The following DAPK1 variants were observed in gnomAD, a reference collection of about 807,000 sequenced individuals.
DAPK1 encodes the protein death-associated protein kinase 1.
DAPK1 carries 56 observed loss-of-function variants against 144.9 expected under a neutral mutation model. The ratio of observed to expected loss-of-function variants is 0.39; its 90% CI spans 0.31 to 0.48. The LOEUF is 0.48. Among genes scored for constraint, DAPK1 ranks in the 20% least tolerant of loss-of-function variants. The pLI is 0.95. For synonymous variants in DAPK1, 690 were observed against 749.0 expected, an observed-to-expected ratio of 0.92 and a Z score of 1.29; for missense variants, 1,454 against 1,875.4, an observed-to-expected ratio of 0.78 and a Z score of 4.15.
At chr9:87,505,655 G>A (rs1390962714) in intron 2 of DAPK1, among the ~76,000 whole-genome samples, 4 of 151,194 alleles carry the variant, frequency 2.6e-5, no homozygotes, top group Non-Finnish European at 4.4e-5. Flanking sequence ...TCGGCCTCCC[G>A]AAGTGCTGGG....
chr9:87,643,631 T>C (rs1830172367), intron 11 of DAPK1, among the ~76,000 whole-genome samples, 163 bp downstream of exon 11: 1 of 152,052 alleles, frequency 6.6e-6, no homozygotes, highest in Non-Finnish European at 1.5e-5. Context: ...TGATGCACCC[T>C]CTTGCTTCTT....
rs369681213 is a variant in DAPK1 at position 87,650,234 on chromosome 9, A to G, written c.1626+116A>G. 24 of 942,000 alleles carry G rather than the reference A, an allele frequency of 2.5e-5. 1 individual carries two copies. In the African/African-American group the frequency reaches 3.4e-4, roughly 13 times the overall value. 58.4% of individuals were successfully genotyped at this position (942,000 alleles called of 1,614,324 possible). A position where few individuals can be genotyped will look rare whatever the true frequency, so the allele number is the denominator to read the frequency against. On this transcript the variant is annotated intron_variant, in intron 16 of 25. Transcript: ENST00000408954. ...ACAAACTTGAATGCAGCAAACTGTA[A>G]TTACCCCGTCTCTTCTCTGTTCCAA...
At chr9:87,518,035 G>T (rs1283320960) in intron 2 of DAPK1, among the ~76,000 whole-genome samples, 5 of 151,778 alleles carry the variant, frequency 3.3e-5, no homozygotes, top group African/African-American at 9.7e-5. Context: ...AAAGCAGCAC[G>T]CATCTGTCGC....
At chr9:87,554,902 G>T (rs1464344257) in intron 2 of DAPK1, among the ~76,000 whole-genome samples, 1 of 152,186 alleles carries the variant, frequency 6.6e-6, no homozygotes, top group Non-Finnish European at 1.5e-5. Flanking sequence ...CCTTCTGGTG[G>T]CAAGTTCTCT....
At chr9:87,673,196 C>G (rs1246600376) in intron 19 of DAPK1, among the ~76,000 whole-genome samples, 1 of 152,128 alleles carries the variant, frequency 6.6e-6, no homozygotes, top group African/African-American at 2.4e-5. Context: ...CACACATTTT[C>G]TCTCAACCCC....
At chr9:87,521,132 T>C (rs1233606822) in intron 2 of DAPK1, among the ~76,000 whole-genome samples, 1 of 152,270 alleles carries the variant, frequency 6.6e-6, no homozygotes, top group Non-Finnish European at 1.5e-5. Flanking sequence ...TCAGCACTGC[T>C]GATTGCAATA....
intron 21 of DAPK1, among the ~76,000 whole-genome samples, chr9:87,690,641 G>A (rs1825022103): frequency 6.6e-6 from 1 of 152,068 alleles, no homozygotes; most frequent in African/African-American, 2.4e-5. Context: ...TATGATGTCA[G>A]CTATGGGTTC....
chr9:87,632,152 G>T, intron 3 of DAPK1: 1 of 777,288 alleles, frequency 1.3e-6, no homozygotes, highest in Non-Finnish European at 1.6e-6. Context: ...AGATGGGTAT[G>T]TATGTATGTA....
At position 87,498,030 on chromosome 9, in the gene DAPK1, G is replaced by T. The variant is rs1288005598; in HGVS notation, c.-186G>T. ...TAGCTGTGTTCCCGCCGCCGCCCCG[G>T]CTAGTCTCCGGCGCTGGCGCCTATG... On this transcript the variant is annotated 5_prime_UTR_variant, in exon 1 of 26. Coordinates refer to ENST00000408954, the MANE Select transcript of DAPK1 (RefSeq NM_004938.4). The T allele has an allele frequency of 1.5e-5, 6 of 397,782 alleles. No individual in the cohort carries two copies. The highest frequency in any genetic ancestry group is 2.7e-5 in the Non-Finnish European group (6 of 225,696). 24.6% of individuals were successfully genotyped at this position (397,782 alleles called of 1,614,324 possible).
intron 17 of DAPK1, among the ~76,000 whole-genome samples, chr9:87,654,146 T>TA (rs924928621): frequency 1.3e-5 from 2 of 152,200 alleles, no homozygotes; most frequent in African/African-American, 2.4e-5. Context: ...TTTAGGTTCA[T>TA]AAAAAATGTT....
intron 21 of DAPK1, among the ~76,000 whole-genome samples, chr9:87,688,837 T>C (rs1215248203): frequency 1.3e-5 from 2 of 152,172 alleles, no homozygotes; most frequent in African/African-American, 4.8e-5. Flanking sequence ...GATCTTAGAT[T>C]ATGCCTTTTT....
rs1444034432 is a variant in DAPK1, at chr9:87,706,677, G to A, written c.3606G>A (p.Glu1202=). The change falls in exon 26 of 26, where the codon GAG becomes GAA. Residue 1202 remains glutamate, a synonymous_variant. Coordinates refer to ENST00000408954, the MANE Select transcript of DAPK1 (RefSeq NM_004938.4). This position sits in a 1 kb window ranked among gnomAD's most constrained non-coding sequence, Gnocchi z 9.0. ...QGIEVQVRGL[E]TEKIKCCLLL... ...TTGAGGTCCAGGTCCGCGGCCTGGA[G>A]ACGGAGAAGATCAAGTGCTGCCTGC... is the stretch of plus-strand genomic sequence containing the variant. 1 of 1,611,522 alleles carries A rather than the reference G, an allele frequency of 6.2e-7. No individual in the cohort carries two copies. The highest frequency in any genetic ancestry group is 1.1e-5 in the South Asian group (1 of 91,032).
chr9:87,612,921 T>C (rs777541146), intron 3 of DAPK1, among the ~76,000 whole-genome samples: 3 of 152,188 alleles, frequency 2.0e-5, no homozygotes, highest in South Asian at 2.1e-4. Context: ...TTAAGAATTA[T>C]AAAGTAAAAG....
Position 87,545,522 on chromosome 9 carries a change from A to C in DAPK1, c.62+46383A>C, listed in dbSNP as rs548914120. On this transcript the variant is annotated intron_variant, in intron 2 of 25. Coordinates refer to ENST00000408954, the MANE Select transcript of DAPK1 (RefSeq NM_004938.4). ...ATGCTTAGGCTTGCCTCGGCTGGTG[A>C]GCCTCGGTGAGGCATTTCAGCTTTA... is the stretch of plus-strand genomic sequence containing the variant. 2.0e-5 allele frequency among the ~76,000 whole-genome samples: 3 copies of C among 152,294 alleles called. No individual in the cohort carries two copies. The East Asian group carries it at 5.8e-4, about 29-fold the overall frequency.
At chr9:87,562,936 C>A (rs7865106) in intron 2 of DAPK1, among the ~76,000 whole-genome samples, 102,846 of 152,096 alleles carry the variant, frequency 0.68, 36,420 homozygotes, top group African/African-American at 0.89. Flanking sequence ...TATAGAACCT[C>A]AAACAAGTGC....
chr9:87,639,891 T>A, intron 7 of DAPK1, 76 bp downstream of exon 7: 1 of 1,482,508 alleles, frequency 6.7e-7, no homozygotes, highest in Non-Finnish European at 9.3e-7. Context: ...TTAAATGTGC[T>A]GTGTTGATCT....
Position 87,706,895 on chromosome 9 carries a change from A to G in DAPK1, c.3824A>G (p.Tyr1275Cys). The G allele has an allele frequency of 6.2e-7, 1 of 1,614,006 alleles. No homozygotes were observed. The highest frequency in any genetic ancestry group is 1.7e-5 in the Admixed American group (1 of 60,022). ...ETSLTNTMGG[Y>C]KESFSSIMCF... ...TCACTGACCAACACCATGGGGGGGT[A>G]CAAGGAAAGCTTCAGCAGCATCATG... The change falls in exon 26 of 26, where the codon TAC becomes TGC. Residue 1275 changes from tyrosine to cysteine, a missense_variant. Physicochemically the swap from Tyr to Cys is radical, Grantham distance 194 (BLOSUM62 -2). This residue lies in a region of DAPK1 where 1,025 missense variants were observed against 1,237.9 expected (regional missense o/e 0.83). Transcript: ENST00000408954. This position sits in a 1 kb window ranked among gnomAD's most constrained non-coding sequence, Gnocchi z 9.0.
chr9:87,549,189 T>C (rs1212566356), intron 2 of DAPK1, among the ~76,000 whole-genome samples: 1 of 152,114 alleles, frequency 6.6e-6, no homozygotes, highest in East Asian at 1.9e-4. Context: ...GAACATGCAG[T>C]GTTTGGTTTT....
At chr9:87,540,581 A>G (rs1360632891) in intron 2 of DAPK1, among the ~76,000 whole-genome samples, 1 of 152,212 alleles carries the variant, frequency 6.6e-6, no homozygotes, top group African/African-American at 2.4e-5. Context: ...TACAGTGTTC[A>G]GTACTTTCCA....
Sources: allele counts gnomAD v4.1 joint callset (sites outside exome capture counted in the v4.1 genomes callset), GRCh38; gene constraint gnomAD v4.1.1; regional missense constraint gnomAD v4.1.1; non-coding constraint Gnocchi (gnomAD v3.1); transcripts MANE v1.5; gene names NCBI Gene and HGNC (gene_info 2026-07-23, HGNC 2026-07-21).